The following BICRAL variants were observed in gnomAD, a reference collection of about 807,000 sequenced individuals.
BICRAL encodes the protein BICRA like chromatin remodeling complex associated protein.
A neutral mutation model predicts 91.8 loss-of-function variants in BICRAL; 8 were observed. That is an observed-to-expected ratio of 0.09 (90% CI 0.05 to 0.16). The LOEUF (loss-of-function observed/expected upper bound fraction) is 0.16, where lower values mean the gene tolerates loss of function less well. Among genes scored for constraint, BICRAL ranks in the 10% least tolerant of loss-of-function variants. The probability of loss-of-function intolerance (pLI) is 1.00; values close to 1 mark genes in which losing one functional copy is unlikely to be tolerated. For missense variants in BICRAL, 1,038 were observed against 1,310.9 expected, an observed-to-expected ratio of 0.79 and a Z score of 3.21; for synonymous variants, 445 against 491.1, an observed-to-expected ratio of 0.91 and a Z score of 1.24.
At chr6:42,798,768 C>G (rs899782302) in intron 1 of BICRAL, among the ~76,000 whole-genome samples, 10 of 152,180 alleles carry the variant, frequency 6.6e-5, no homozygotes, top group Non-Finnish European at 1.3e-4. Context: ...TAAATCATCT[C>G]TAGATTTGTT....
At chr6:42,802,925 C>A (rs867930059) in intron 1 of BICRAL, among the ~76,000 whole-genome samples, 20 of 152,108 alleles carry the variant, frequency 1.3e-4, no homozygotes, top group African/African-American at 4.8e-4. Context: ...CCATAGTTAT[C>A]AAAATGCCCT....
chr6:42,815,357 A>T (rs1478336213), intron 2 of BICRAL, among the ~76,000 whole-genome samples: 2 of 147,776 alleles, frequency 1.4e-5, no homozygotes, highest in Non-Finnish European at 3.0e-5. Context: ...ATACAGCTAA[A>T]TTTTTTGTAT....
intron 1 of BICRAL, among the ~76,000 whole-genome samples, chr6:42,785,259 G>C (rs1763069165): frequency 1.3e-5 from 2 of 152,066 alleles, no homozygotes; most frequent in Non-Finnish European, 2.9e-5. Context: ...AGACAGCTGT[G>C]TAACAAACGT....
At chr6:42,759,589 T>A (rs1033824035) in intron 1 of BICRAL, among the ~76,000 whole-genome samples, 3 of 152,156 alleles carry the variant, frequency 2.0e-5, no homozygotes, top group Non-Finnish European at 4.4e-5. Context: ...GGGTCTGTGG[T>A]GATCTTGGTA....
intron 2 of BICRAL, among the ~76,000 whole-genome samples, chr6:42,815,623 G>GTTATATC (rs1763969449): frequency 6.6e-6 from 1 of 152,078 alleles, no homozygotes; most frequent in Admixed American, 6.6e-5. Context: ...TTAATACACT[G>GTTATATC]TTATATCTCT....
chr6:42,749,766 G>T (rs1285009924), intron 1 of BICRAL, among the ~76,000 whole-genome samples: 1 of 151,034 alleles, frequency 6.6e-6, no homozygotes, highest in Non-Finnish European at 1.5e-5. Context: ...CTCTCACCCT[G>T]ATTATTTTTT....
At chr6:42,858,312 T>C (rs1765448023) in intron 10 of BICRAL, among the ~76,000 whole-genome samples, 1 of 146,812 alleles carries the variant, frequency 6.8e-6, no homozygotes, top group Non-Finnish European at 1.5e-5. Flanking sequence ...GGTCAGGAGT[T>C]CAAGACCAGC....
chr6:42,849,348 A>AGTGTCAG (rs1474289187), intron 6 of BICRAL, among the ~76,000 whole-genome samples: 2 of 152,148 alleles, frequency 1.3e-5, no homozygotes, highest in Non-Finnish European at 2.9e-5. Context: ...AGCCTCCCAA[A>AGTGTCAG]GTGTCAGGAT....
intron 6 of BICRAL, among the ~76,000 whole-genome samples, chr6:42,847,481 A>G (rs753263534): frequency 3.3e-5 from 5 of 152,104 alleles, no homozygotes; most frequent in Non-Finnish European, 7.3e-5. Context: ...TGATACATTA[A>G]AAGTATTGAT....
chr6:42,808,266 G>A (rs1257094038), intron 1 of BICRAL, among the ~76,000 whole-genome samples: 1 of 151,974 alleles, frequency 6.6e-6, no homozygotes, highest in African/African-American at 2.4e-5. Flanking sequence ...CGAGTAGCTG[G>A]GACTATGGGC....
rs1426100047 is a variant in BICRAL, at chr6:42,845,219, T to G, written c.1840-6873T>G. ...TGTTTTTTTTTTTTTTTTTTTTTTT[T>G]TTTTTTTTTTTTTTTTTTTTTTTTT... On this transcript the variant is annotated intron_variant, in intron 6 of 12. Coordinates refer to ENST00000314073, the MANE Select transcript of BICRAL (RefSeq NM_001393499.1). Among the ~76,000 whole-genome samples the G allele has an allele frequency of 3.9e-4, 28 of 72,096 alleles. 2 individuals carry two copies. The highest frequency in any genetic ancestry group is 5.7e-4 in the Admixed American group (4 of 6,998). The allele number at this position is 72,096 out of a possible 152,430, so 47.3% of individuals were successfully genotyped here. A position where few individuals can be genotyped will look rare whatever the true frequency, so the allele number is the denominator to read the frequency against.
At chr6:42,765,442 G>A (rs551914958) in intron 1 of BICRAL, among the ~76,000 whole-genome samples, 1 of 152,280 alleles carries the variant, frequency 6.6e-6, no homozygotes, top group Admixed American at 6.5e-5. Flanking sequence ...GGAGGCTTGT[G>A]GGGAGGGAGA....
At chr6:42,853,251 C>G (rs1765251842) in intron 7 of BICRAL, among the ~76,000 whole-genome samples, 1 of 150,574 alleles carries the variant, frequency 6.6e-6, no homozygotes, top group African/African-American at 2.4e-5. Flanking sequence ...AAAAAAAAGG[C>G]AAGAAAGAGA....
intron 7 of BICRAL, chr6:42,852,462 G>C (rs905101102): frequency 1.8e-6 from 1 of 564,852 alleles, no homozygotes; most frequent in East Asian, 4.1e-5. Flanking sequence ...AGGAGTTCAA[G>C]ACCAGCCCGA....
intron 6 of BICRAL, among the ~76,000 whole-genome samples, chr6:42,848,236 A>G (rs1765080505): frequency 6.6e-6 from 1 of 151,614 alleles, no homozygotes; most frequent in South Asian, 2.1e-4. Flanking sequence ...TGGGCGACAG[A>G]GTGAGACTCC....
rs556074474 is a variant in BICRAL at position 42,831,650 on chromosome 6, G to A, written c.1839+1478G>A. Among the ~76,000 whole-genome samples the A allele has an allele frequency of 3.2e-4, 48 of 151,858 alleles. No individual in the cohort carries two copies. In the South Asian group the frequency reaches 8.8e-3, roughly 28 times the overall value. ...AGGACCCATGCCATACCCTACTTTCGACCCCTCAGTCCTGCGTTTCCCCTG... is the reference window on the plus strand; with the variant it reads ...AGGACCCATGCCATACCCTACTTTCAACCCCTCAGTCCTGCGTTTCCCCTG... On this transcript the variant is annotated intron_variant, in intron 6 of 12. Coordinates refer to ENST00000314073, the MANE Select transcript of BICRAL (RefSeq NM_001393499.1).
intron 6 of BICRAL, among the ~76,000 whole-genome samples, chr6:42,849,442 T>C (rs1014110738): frequency 1.3e-5 from 1 of 76,528 alleles, no homozygotes; most frequent in African/African-American, 4.3e-5. Context: ...TTAGAACAGA[T>C]TTTTTTTTTT....
intron 2 of BICRAL, among the ~76,000 whole-genome samples, chr6:42,815,946 T>G (rs1763978566): frequency 1.4e-5 from 2 of 139,412 alleles, no homozygotes; most frequent in South Asian, 4.5e-4. Flanking sequence ...ATTGCGCCAT[T>G]GCTCTCTAGC....
intron 6 of BICRAL, among the ~76,000 whole-genome samples, chr6:42,830,637 A>AG (rs1249647881): frequency 6.6e-6 from 1 of 152,032 alleles, no homozygotes; most frequent in Non-Finnish European, 1.5e-5. Flanking sequence ...GGGCAGGGGT[A>AG]GGGGGTCTCA....
Sources: allele counts gnomAD v4.1 joint callset (sites outside exome capture counted in the v4.1 genomes callset), GRCh38; gene constraint gnomAD v4.1.1; transcripts MANE v1.5; gene names NCBI Gene and HGNC (gene_info 2026-07-23, HGNC 2026-07-21).